Variants in CHCHD3 observed in about 807,000 individuals in gnomAD.
The protein encoded by CHCHD3 is coiled-coil-helix-coiled-coil-helix domain containing 3, also known as MICOS complex subunit MIC19.
In CHCHD3, 20 loss-of-function variants were observed where a neutral mutation model predicts 38.2. That is an observed-to-expected ratio of 0.52 (90% CI 0.37 to 0.76). The LOEUF is 0.76. CHCHD3 is among the 30% of genes least tolerant of loss of function. The pLI, the probability that CHCHD3 is intolerant of heterozygous loss-of-function variation, is 0.00. For synonymous variants in CHCHD3, 82 were observed against 100.0 expected, an observed-to-expected ratio of 0.82 and a Z score of 1.07; for missense variants, 245 against 279.2, an observed-to-expected ratio of 0.88 and a Z score of 0.87.
intron 3 of CHCHD3, among the ~76,000 whole-genome samples, chr7:132,989,685 T>A (rs2117367424): frequency 6.6e-6 from 1 of 152,298 alleles, no homozygotes; most frequent in African/African-American, 2.4e-5. Flanking sequence ...TAAGTTAATG[T>A]TCCTATATCC....
chr7:133,056,055 G>C (rs1320647689), intron 2 of CHCHD3, among the ~76,000 whole-genome samples: 1 of 151,920 alleles, frequency 6.6e-6, no homozygotes, highest in African/African-American at 2.4e-5. Flanking sequence ...AACTGAGGAG[G>C]GAGGATTGTT....
chr7:132,959,735 A>AAAAAG (rs1554394402), intron 4 of CHCHD3, among the ~76,000 whole-genome samples: 1 of 151,626 alleles, frequency 6.6e-6, no homozygotes, highest in Non-Finnish European at 1.5e-5. Context: ...AAAAAAAAAA[A>AAAAAG]AAAAAGAAAA....
intron 4 of CHCHD3, among the ~76,000 whole-genome samples, chr7:132,898,636 C>A (rs1175463785): frequency 6.6e-6 from 1 of 152,254 alleles, no homozygotes; most frequent in Non-Finnish European, 1.5e-5. Flanking sequence ...GTCGATGGGA[C>A]TGGGCGCTGT....
intron 3 of CHCHD3, among the ~76,000 whole-genome samples, chr7:133,006,109 T>G (rs1812691665): frequency 1.3e-5 from 2 of 152,154 alleles, no homozygotes; most frequent in African/African-American, 2.4e-5. Context: ...TTAAAGTATC[T>G]AAACTCCCAT....
chr7:133,048,810 A>G (rs1265166622), intron 2 of CHCHD3, among the ~76,000 whole-genome samples: 3 of 152,216 alleles, frequency 2.0e-5, no homozygotes, highest in Non-Finnish European at 4.4e-5. Context: ...AAAGTGAGAG[A>G]GCAAGCACTT....
intron 4 of CHCHD3, among the ~76,000 whole-genome samples, chr7:132,890,097 A>G (rs1809323842): frequency 6.6e-6 from 1 of 152,316 alleles, no homozygotes; most frequent in Admixed American, 6.5e-5. Context: ...AATGTGACAC[A>G]ATGTACTTAA....
At chr7:133,007,293 A>T (rs1475110337) in intron 3 of CHCHD3, among the ~76,000 whole-genome samples, 1 of 152,106 alleles carries the variant, frequency 6.6e-6, no homozygotes. Flanking sequence ...CCTAGGAGAG[A>T]CCCACTTGAT....
At chr7:133,076,478 CT>C (rs1584690724) in intron 1 of CHCHD3, among the ~76,000 whole-genome samples, 5 of 152,218 alleles carry the variant, frequency 3.3e-5, no homozygotes, top group Admixed American at 3.3e-4. Context: ...ATTCAGCCCA[CT>C]GAACTTGACT....
chr7:132,887,447 A>G (rs937714298), intron 4 of CHCHD3, among the ~76,000 whole-genome samples: 2 of 151,724 alleles, frequency 1.3e-5, no homozygotes, highest in African/African-American at 4.8e-5. Context: ...AATAAAGAAA[A>G]TGAAAAAGAA....
chr7:132,835,417 A>T (rs1339478184), intron 6 of CHCHD3, among the ~76,000 whole-genome samples: 1 of 152,170 alleles, frequency 6.6e-6, no homozygotes, highest in African/African-American at 2.4e-5. Context: ...ATTATTCTTG[A>T]ATAATATTTA....
At chr7:132,811,090 A>C (rs2117051300) in intron 6 of CHCHD3, among the ~76,000 whole-genome samples, 1 of 152,298 alleles carries the variant, frequency 6.6e-6, no homozygotes, top group East Asian at 1.9e-4. Context: ...AAATAAACCA[A>C]AAGATAACTC....
rs181753514 is a variant in CHCHD3 at position 132,987,181 on chromosome 7, A to G, written c.252-11895T>C. The stretch of plus-strand genomic sequence containing the variant: ...TTCAGCCTATAGATTAGGGGATCAT[A>G]AGGACCTTTCTTCATCAGACATGAT... On this transcript the variant is annotated intron_variant, in intron 3 of 7. Coordinates refer to ENST00000262570, the MANE Select transcript of CHCHD3 (RefSeq NM_017812.4). Among the ~76,000 whole-genome samples, 9 of 152,338 alleles carry G rather than the reference A, an allele frequency of 5.9e-5. No individual in the cohort carries two copies. In the East Asian group the frequency reaches 1.5e-3, roughly 26 times the overall value.
At chr7:132,908,551 G>T (rs1406599245) in intron 4 of CHCHD3, among the ~76,000 whole-genome samples, 2 of 152,000 alleles carry the variant, frequency 1.3e-5, no homozygotes, top group East Asian at 3.9e-4. Context: ...TTAAGGCATG[G>T]TCTAAAGGTT....
rs188085542 is a variant in CHCHD3, at chr7:133,067,515, T to G, written c.169+2627A>C. 3.6e-4 allele frequency among the ~76,000 whole-genome samples: 55 copies of G among 152,308 alleles called. 1 individual carries two copies. In the East Asian group the frequency reaches 0.011, roughly 29 times the overall value. On this transcript the variant is annotated intron_variant, in intron 2 of 7. Transcript: ENST00000262570. ...GTTCATACATGTAGATAAGAACAGA[T>G]TCACCATTTTGAGGAAGAGGAGGAA...
chr7:132,940,512 T>G (rs905498196), intron 4 of CHCHD3, among the ~76,000 whole-genome samples: 2 of 152,200 alleles, frequency 1.3e-5, no homozygotes, highest in African/African-American at 2.4e-5. Context: ...GGATTGAAAG[T>G]GGTGGAGCGG....
At chr7:132,898,898 G>T (rs1422374353) in intron 4 of CHCHD3, among the ~76,000 whole-genome samples, 4 of 152,196 alleles carry the variant, frequency 2.6e-5, no homozygotes, top group Admixed American at 2.6e-4. Context: ...CGGCTGCTCC[G>T]AGTGCAGGGC....
intron 5 of CHCHD3, among the ~76,000 whole-genome samples, chr7:132,855,878 G>GA (rs1808333007): frequency 9.0e-5 from 1 of 11,104 alleles, no homozygotes; most frequent in African/African-American, 3.8e-4. Flanking sequence ...AAAAAAAAAA[G>GA]AAAGAAAAAA....
chr7:132,786,070 C>T (rs1432288907), intron 7 of CHCHD3, among the ~76,000 whole-genome samples: 4 of 152,128 alleles, frequency 2.6e-5, no homozygotes, highest in Non-Finnish European at 4.4e-5. Flanking sequence ...CTCAGTTACT[C>T]GAGACGCTGA....
chr7:132,954,773 T>A (rs145689222), intron 4 of CHCHD3, among the ~76,000 whole-genome samples: 1 of 152,254 alleles, frequency 6.6e-6, no homozygotes, highest in African/African-American at 2.4e-5. Flanking sequence ...ATCTCCATTC[T>A]GTATGCACTC....
Sources: allele counts gnomAD v4.1 joint callset (sites outside exome capture counted in the v4.1 genomes callset), GRCh38; gene constraint gnomAD v4.1.1; transcripts MANE v1.5; gene names NCBI Gene and HGNC (gene_info 2026-07-23, HGNC 2026-07-21).